CALN1: variants seen among roughly 807,000 people sequenced by gnomAD.
CALN1 encodes the protein calcium-binding protein 8.
In CALN1, 17 loss-of-function variants were observed where a neutral mutation model predicts 30.6. That is an observed-to-expected ratio of 0.56 (90% CI 0.38 to 0.83). CALN1 has a LOEUF of 0.83. Among genes scored for constraint, CALN1 ranks in the 40% least tolerant of loss-of-function variants. The probability of loss-of-function intolerance (pLI) is 0.00; values close to 1 mark genes in which losing one functional copy is unlikely to be tolerated. For missense variants in CALN1, 291 were observed against 354.9 expected, an observed-to-expected ratio of 0.82 and a Z score of 1.45; for synonymous variants, 156 against 131.4, an observed-to-expected ratio of 1.19 and a Z score of -1.28.
At chr7:72,187,210 T>C (rs1790270089) in intron 3 of CALN1, among the ~76,000 whole-genome samples, 1 of 152,186 alleles carries the variant, frequency 6.6e-6, no homozygotes. Flanking sequence ...ATGAAAAAGA[T>C]TCCTGGGTGT....
chr7:71,904,224 A>G (rs533795223), intron 5 of CALN1, among the ~76,000 whole-genome samples: 48 of 152,342 alleles, frequency 3.2e-4, no homozygotes, highest in African/African-American at 1.1e-3. Context: ...AAATGAAATC[A>G]GTACACTGAA....
At chr7:72,244,825 C>G (rs1237628065) in intron 3 of CALN1, among the ~76,000 whole-genome samples, 12 of 152,116 alleles carry the variant, frequency 7.9e-5, no homozygotes, top group African/African-American at 2.9e-4. Context: ...CCACAGTTAG[C>G]AATAACTTAC....
At chr7:72,322,537 C>T (rs905059731) in intron 2 of CALN1, among the ~76,000 whole-genome samples, 3 of 151,992 alleles carry the variant, frequency 2.0e-5, no homozygotes, top group African/African-American at 7.3e-5. Context: ...AAATTCTGAC[C>T]AGGAGTGAAA....
intron 5 of CALN1, among the ~76,000 whole-genome samples, chr7:71,980,337 C>T (rs1243502830): frequency 1.3e-5 from 2 of 151,356 alleles, no homozygotes; most frequent in East Asian, 3.9e-4. Flanking sequence ...CAGGTGTGCA[C>T]CACCACGTCC....
chr7:72,175,160 G>T (rs181432849), intron 3 of CALN1, among the ~76,000 whole-genome samples: 10 of 151,324 alleles, frequency 6.6e-5, no homozygotes, highest in African/African-American at 2.4e-4. Context: ...TGCAAGCTCC[G>T]CCTCCCAGGT....
chr7:72,389,147 G>A (rs1805416152), intron 2 of CALN1, among the ~76,000 whole-genome samples: 1 of 152,082 alleles, frequency 6.6e-6, no homozygotes, highest in African/African-American at 2.4e-5. Flanking sequence ...TGTCCGGTGG[G>A]CTCCCAAGGT....
chr7:71,840,485 TAAAAAAAAAAAAA>T (rs61579583), intron 5 of CALN1, among the ~76,000 whole-genome samples: 5 of 101,344 alleles, frequency 4.9e-5, no homozygotes, highest in African/African-American at 2.1e-4. Flanking sequence ...ATGCTCTCTT[TAAAAAAAAAAAAA>T]AAAAAAAAAA....
At chr7:71,927,969 T>C (rs1795353036) in intron 5 of CALN1, among the ~76,000 whole-genome samples, 1 of 152,196 alleles carries the variant, frequency 6.6e-6, no homozygotes, top group African/African-American at 2.4e-5. Context: ...GCTTCCTTGC[T>C]GCAATGGTCT....
intron 4 of CALN1, among the ~76,000 whole-genome samples, chr7:72,090,096 G>A (rs112290912): frequency 3.3e-5 from 5 of 152,128 alleles, no homozygotes; most frequent in African/African-American, 1.2e-4. Flanking sequence ...TCAGGAGTTC[G>A]AGACTAGCCC....
At chr7:72,375,477 A>G (rs1804500833) in intron 2 of CALN1, among the ~76,000 whole-genome samples, 1 of 151,606 alleles carries the variant, frequency 6.6e-6, no homozygotes, top group South Asian at 2.1e-4. Context: ...AGGTGGGGAG[A>G]ATTACTTGAG....
At chr7:72,132,481 G>T (rs1809220582) in intron 3 of CALN1, among the ~76,000 whole-genome samples, 1 of 152,220 alleles carries the variant, frequency 6.6e-6, no homozygotes, top group East Asian at 1.9e-4. Flanking sequence ...TTTGAAGTTA[G>T]TTCATTTTCA....
intron 5 of CALN1, among the ~76,000 whole-genome samples, chr7:71,938,687 C>T (rs1456657645): frequency 6.6e-6 from 1 of 151,992 alleles, no homozygotes; most frequent in Non-Finnish European, 1.5e-5. Flanking sequence ...CACAGCTACT[C>T]GGGAGCCTGA....
chr7:72,170,831 C>A (rs1480279496), intron 3 of CALN1, among the ~76,000 whole-genome samples: 2 of 152,160 alleles, frequency 1.3e-5, no homozygotes, highest in African/African-American at 2.4e-5. Context: ...CTTGTGGATA[C>A]TTTTAAACAG....
chr7:72,093,074 G>A (rs1805983137), intron 4 of CALN1, among the ~76,000 whole-genome samples: 1 of 152,102 alleles, frequency 6.6e-6, no homozygotes, highest in Non-Finnish European at 1.5e-5. Context: ...TGAAAACAAA[G>A]TACGCAGCCT....
intron 3 of CALN1, among the ~76,000 whole-genome samples, chr7:72,249,240 C>G (rs1795386701): frequency 1.3e-5 from 2 of 152,286 alleles, no homozygotes; most frequent in South Asian, 4.1e-4. Context: ...TCACCAGACC[C>G]TCCACTCCAG....
At chr7:72,423,063 G>C (rs1172920143) in intron 1 of CALN1, among the ~76,000 whole-genome samples, 1 of 148,070 alleles carries the variant, frequency 6.8e-6, no homozygotes, top group South Asian at 2.1e-4. Flanking sequence ...AGTGAGCTGA[G>C]ATCACGCCAC....
chr7:72,239,027 C>G (rs747699002), intron 3 of CALN1, among the ~76,000 whole-genome samples: 1 of 152,202 alleles, frequency 6.6e-6, no homozygotes, highest in Non-Finnish European at 1.5e-5. Flanking sequence ...ACTCTTCACA[C>G]TAATCTGTGC....
chr7:72,268,188 A>G (rs1021629778), intron 3 of CALN1, among the ~76,000 whole-genome samples: 1 of 152,326 alleles, frequency 6.6e-6, no homozygotes, highest in African/African-American at 2.4e-5. Context: ...ATTGAAACTA[A>G]AAAGTTGAAT....
intron 2 of CALN1, among the ~76,000 whole-genome samples, chr7:72,369,330 AAT>A (rs1804077208): frequency 6.9e-6 from 1 of 145,500 alleles, no homozygotes. Context: ...TAATATATAT[AAT>A]TTATAAATAT....
Sources: allele counts gnomAD v4.1 joint callset (sites outside exome capture counted in the v4.1 genomes callset), GRCh38; gene constraint gnomAD v4.1.1; transcripts MANE v1.5; gene names NCBI Gene and HGNC (gene_info 2026-07-23, HGNC 2026-07-21).